The following RBMS1 variants were observed in gnomAD, a reference collection of about 807,000 sequenced individuals.
The protein encoded by RBMS1 is RNA-binding motif, single-stranded-interacting protein 1.
A neutral mutation model predicts 62.3 loss-of-function variants in RBMS1; 17 were observed. The observed-to-expected ratio is 0.27, with a 90% CI of 0.19 to 0.41. RBMS1 has a LOEUF of 0.41. Ranked by LOEUF, RBMS1 falls within the 10% of genes least tolerant of loss-of-function variation. The pLI is 1.00. For missense variants in RBMS1, 334 were observed against 504.5 expected, an observed-to-expected ratio of 0.66 and a Z score of 3.24; for synonymous variants, 172 against 170.0, an observed-to-expected ratio of 1.01 and a Z score of -0.09.
intron 4 of RBMS1, among the ~76,000 whole-genome samples, chr2:160,308,134 G>A (rs903492762): frequency 2.6e-5 from 4 of 152,088 alleles, no homozygotes; most frequent in Non-Finnish European, 5.9e-5. Context: ...TTCCCCACTG[G>A]GTGTGGTGGC....
At chr2:160,278,816 A>T (rs1164627166) in intron 10 of RBMS1, 158 bp from the exon 11 acceptor site, 1 of 567,332 alleles carries the variant, frequency 1.8e-6, no homozygotes, top group African/African-American at 1.9e-5. Context: ...CAGTTTCCTA[A>T]AAATCTTCTA....
At chr2:160,425,993 A>G (rs1682538633) in intron 1 of RBMS1, among the ~76,000 whole-genome samples, 1 of 152,152 alleles carries the variant, frequency 6.6e-6, no homozygotes, top group African/African-American at 2.4e-5. Context: ...AGTACTTAGC[A>G]ACAGCAAGTC....
rs1322900289 is a variant in RBMS1, at chr2:160,493,491, CGCT to C, written c.-131_-129del. ...CGGCGGCGGCGGCTGCTGCTGCTGC[CGCT>C]GCTCCACCTCCCAGCCGGGACCAGA... On this transcript the variant is annotated 5_prime_UTR_variant, in exon 1 of 14. Coordinates refer to ENST00000348849, the MANE Select transcript of RBMS1 (RefSeq NM_016836.4). 1 of 756,130 alleles carries C rather than the reference CGCT, an allele frequency of 1.3e-6. No individual in the cohort carries two copies. The highest frequency in any genetic ancestry group is 1.8e-5 in the African/African-American group (1 of 56,380). The allele number at this position is 756,130 out of a possible 1,614,324, so 46.8% of individuals were successfully genotyped here. A position where few individuals can be genotyped will look rare whatever the true frequency, so the allele number is the denominator to read the frequency against.
At position 160,324,040 on chromosome 2, in the gene RBMS1, T is replaced by C. The variant is rs924592842; in HGVS notation, c.252-5813A>G. ...ATAAAGCTTAATTTTCTCCTCTGCC[T>C]CTATCACTTAGTTACTCCTAAATTC... On this transcript the variant is annotated intron_variant, in intron 2 of 13. Coordinates refer to ENST00000348849, the MANE Select transcript of RBMS1 (RefSeq NM_016836.4). 3.3e-5 allele frequency among the ~76,000 whole-genome samples: 5 copies of C among 152,370 alleles called. No homozygotes were observed. The East Asian group carries it at 9.6e-4, about 29-fold the overall frequency.
At chr2:160,439,137 C>T (rs1683269571) in intron 1 of RBMS1, among the ~76,000 whole-genome samples, 5 of 144,370 alleles carry the variant, frequency 3.5e-5, no homozygotes, top group Admixed American at 2.0e-4. Flanking sequence ...GCTGGCCGGG[C>T]GGGGGGCTGA....
At chr2:160,401,972 T>C (rs1416100235) in intron 1 of RBMS1, 3 of 152,314 alleles carry the variant, frequency 2.0e-5, no homozygotes, top group South Asian at 2.1e-4. Context: ...CCTTACCCTT[T>C]TTCAGGCTGC....
chr2:160,387,086 A>G (rs934975122), intron 1 of RBMS1, among the ~76,000 whole-genome samples: 7 of 152,196 alleles, frequency 4.6e-5, no homozygotes, highest in Admixed American at 4.6e-4. Context: ...TGATCACAGG[A>G]CACTGTCTGT....
intron 1 of RBMS1, among the ~76,000 whole-genome samples, chr2:160,411,109 C>T (rs1429001576): frequency 3.3e-5 from 5 of 152,204 alleles, no homozygotes; most frequent in African/African-American, 1.2e-4. Flanking sequence ...CCTCCCTCAC[C>T]TCACTCAGCT....
chr2:160,302,345 C>T lies in RBMS1; in HGVS notation c.560+985G>A, dbSNP rs937286349. Among the ~76,000 whole-genome samples the T allele has an allele frequency of 1.6e-4, 25 of 151,974 alleles. 1 individual carries two copies. The East Asian group carries it at 4.8e-3, about 29-fold the overall frequency. On this transcript the variant is annotated intron_variant, in intron 5 of 13. Transcript: ENST00000348849. ...CTGCAGCTGGGACTATAGGCATGTG[C>T]CACCATGCCTGGCTAATTTTTAAAC...
chr2:160,364,708 T>A (rs141981668), intron 2 of RBMS1, among the ~76,000 whole-genome samples: 74 of 152,364 alleles, frequency 4.9e-4, no homozygotes, highest in Middle Eastern at 6.8e-3. Flanking sequence ...GTTTTTAAAA[T>A]CTTCATGTCA....
intron 1 of RBMS1, among the ~76,000 whole-genome samples, chr2:160,452,320 A>G (rs901527860): frequency 6.6e-6 from 1 of 152,210 alleles, no homozygotes; most frequent in Admixed American, 6.5e-5. Flanking sequence ...TTCCTCATCC[A>G]TGGGAGATGG....
intron 1 of RBMS1, among the ~76,000 whole-genome samples, chr2:160,401,349 A>AAGTGT (rs1695416080): frequency 6.6e-6 from 1 of 152,206 alleles, no homozygotes; most frequent in African/African-American, 2.4e-5. Flanking sequence ...TGCTGTCGTT[A>AAGTGT]TATTAAGTGT....
chr2:160,493,541 C>CG lies in RBMS1; in HGVS notation c.-179_-178insC. On this transcript the variant is annotated 5_prime_UTR_variant, in exon 1 of 14. Transcript: ENST00000348849. Reference sequence around the variant, plus strand: ...CAGACGTCCTCCTCCTCCTCCTCCTCTTCCTCCTCCTCCTCCTCCTCCTCC... The same window carrying CG: ...CAGACGTCCTCCTCCTCCTCCTCCTCGTTCCTCCTCCTCCTCCTCCTCCTCC... The CG allele has an allele frequency of 5.0e-5, 30 of 603,044 alleles. No individual in the cohort carries two copies. Among genetic ancestry groups the CG allele is most frequent in the Middle Eastern group, 4.4e-4 (1 of 2,250 alleles). The allele number at this position is 603,044 out of a possible 1,614,324, so 37.4% of individuals were successfully genotyped here. A position where few individuals can be genotyped will look rare whatever the true frequency, so the allele number is the denominator to read the frequency against.
intron 3 of RBMS1, among the ~76,000 whole-genome samples, chr2:160,313,532 A>T (rs898872191): frequency 6.6e-6 from 1 of 152,094 alleles, no homozygotes; most frequent in Non-Finnish European, 1.5e-5. Flanking sequence ...GGGGGGAGAC[A>T]TCTAAGTTGC....
intron 1 of RBMS1, among the ~76,000 whole-genome samples, chr2:160,413,235 A>G (rs985627920): frequency 6.6e-6 from 1 of 152,196 alleles, no homozygotes; most frequent in Non-Finnish European, 1.5e-5. Flanking sequence ...AAATATAGCC[A>G]CACTGTATAG....
intron 1 of RBMS1, among the ~76,000 whole-genome samples, chr2:160,441,428 T>C (rs898105110): frequency 2.0e-5 from 3 of 152,218 alleles, no homozygotes; most frequent in Non-Finnish European, 4.4e-5. Context: ...TAAACGTATG[T>C]TTAACTTTTA....
At chr2:160,310,783 T>C (rs1427659883) in intron 4 of RBMS1, among the ~76,000 whole-genome samples, 1 of 152,108 alleles carries the variant, frequency 6.6e-6, no homozygotes, top group African/African-American at 2.4e-5. Context: ...CTGCAAATCA[T>C]TATGCAACAT....
At chr2:160,417,916 T>C (rs1474883008) in intron 1 of RBMS1, among the ~76,000 whole-genome samples, 2 of 152,190 alleles carry the variant, frequency 1.3e-5, no homozygotes, top group East Asian at 3.8e-4. Flanking sequence ...GTCTTACAAG[T>C]AGTGGGCACA....
intron 1 of RBMS1, among the ~76,000 whole-genome samples, chr2:160,438,848 G>A (rs1218449519): frequency 2.0e-5 from 3 of 150,208 alleles, no homozygotes; most frequent in African/African-American, 7.4e-5. Context: ...GGGCAGAGGC[G>A]CCCCTCACCT....
Sources: gnomAD v4.1 joint callset for allele counts (sites outside exome capture counted in the v4.1 genomes callset) on GRCh38, gnomAD v4.1.1 for gene constraint, MANE v1.5 for transcripts, NCBI Gene and HGNC (gene_info 2026-07-23, HGNC 2026-07-21) for gene names.